Variants in AK8 observed in about 807,000 individuals in gnomAD.
AK8 encodes the protein ATP-AMP transphosphorylase 8.
A neutral mutation model predicts 54.6 loss-of-function variants in AK8; 44 were observed. That is an observed-to-expected ratio of 0.81 (90% CI 0.63 to 1.04). AK8 has a LOEUF of 1.04. Ranked by LOEUF, AK8 falls within the 50% of genes least tolerant of loss-of-function variation. The probability of loss-of-function intolerance (pLI) is 0.00; values close to 1 mark genes in which losing one functional copy is unlikely to be tolerated. For synonymous variants in AK8, 239 were observed against 245.6 expected, an observed-to-expected ratio of 0.97 and a Z score of 0.25; for missense variants, 555 against 613.6, an observed-to-expected ratio of 0.90 and a Z score of 1.01.
rs907687410 is a variant in AK8, at chr9:132,770,538, G to T, written c.1121+22096C>A. ...GCCCCTCGCCCTGCACGCGCGCCCTGCCCCTGGCTGTAACCTGAGCAGCCC... is the reference window on the plus strand; with the variant it reads ...GCCCCTCGCCCTGCACGCGCGCCCTTCCCCTGGCTGTAACCTGAGCAGCCC... On this transcript the variant is annotated intron_variant, in intron 11 of 12. Coordinates refer to ENST00000298545, the MANE Select transcript of AK8 (RefSeq NM_152572.3). The surrounding 1 kb of genome is among the most constrained non-coding windows in gnomAD (Gnocchi z 4.3). Among the ~76,000 whole-genome samples the T allele has an allele frequency of 6.6e-6, 1 of 152,310 alleles. No homozygotes were observed. Among genetic ancestry groups the T allele is most frequent in the Non-Finnish European group, 1.5e-5 (1 of 68,010 alleles).
At chr9:132,737,654 T>A (rs1294492709) in intron 11 of AK8, among the ~76,000 whole-genome samples, 1 of 152,150 alleles carries the variant, frequency 6.6e-6, no homozygotes, top group Admixed American at 6.5e-5. Context: ...TGGAAAAAGA[T>A]CTGACAAAAT....
chr9:132,747,550 C>T (rs545233864), intron 11 of AK8, among the ~76,000 whole-genome samples: 12 of 151,296 alleles, frequency 7.9e-5, no homozygotes, highest in African/African-American at 2.4e-4. Context: ...CAGGTTCAAG[C>T]GATTCTCATG....
At chr9:132,858,293 C>T (rs1485548565) in intron 4 of AK8, among the ~76,000 whole-genome samples, 1 of 152,256 alleles carries the variant, frequency 6.6e-6, no homozygotes, top group Non-Finnish European at 1.5e-5. Flanking sequence ...CAAGGTGCCG[C>T]CCGCTGTTTT....
intron 10 of AK8, among the ~76,000 whole-genome samples, chr9:132,797,935 C>T (rs1257841179): frequency 4.6e-5 from 7 of 152,332 alleles, no homozygotes; most frequent in Middle Eastern, 3.4e-3. Context: ...CCACATCTGC[C>T]TGTGTTAGCA....
chr9:132,730,442 T>G (rs1457599262), intron 11 of AK8, among the ~76,000 whole-genome samples: 2 of 151,126 alleles, frequency 1.3e-5, no homozygotes, highest in African/African-American at 4.9e-5. Context: ...GCCTGTTTTT[T>G]TTTTTTTTTT....
intron 11 of AK8, among the ~76,000 whole-genome samples, chr9:132,746,016 A>C (rs753341004): frequency 9.2e-5 from 14 of 152,296 alleles, no homozygotes; most frequent in Middle Eastern, 3.4e-3. Flanking sequence ...GAGGAGACAA[A>C]GGTGGCTGAC....
At chr9:132,846,449 T>C (rs976096599) in intron 5 of AK8, among the ~76,000 whole-genome samples, 1 of 152,246 alleles carries the variant, frequency 6.6e-6, no homozygotes, top group Non-Finnish European at 1.5e-5. Flanking sequence ...TTAACTCTCT[T>C]GTTCACTGCT....
intron 10 of AK8, among the ~76,000 whole-genome samples, chr9:132,813,532 A>G (rs964740441): frequency 4.6e-5 from 7 of 152,240 alleles, no homozygotes; most frequent in African/African-American, 1.7e-4. Context: ...CGTGTTCACA[A>G]CAGACTTGAT....
At chr9:132,824,582 C>T (rs1481025792) in intron 8 of AK8, among the ~76,000 whole-genome samples, 1 of 152,242 alleles carries the variant, frequency 6.6e-6, no homozygotes, top group Non-Finnish European at 1.5e-5. Context: ...CCTCTACCCA[C>T]TAGGTGCCTG....
intron 11 of AK8, among the ~76,000 whole-genome samples, chr9:132,760,532 C>A (rs538493653): frequency 6.6e-6 from 1 of 152,268 alleles, no homozygotes; most frequent in South Asian, 2.1e-4. Context: ...ATAACACCTG[C>A]CAATAATGAC....
chr9:132,823,357 GATA>G, intron 8 of AK8, 21 bp from the exon 9 acceptor site: 1 of 1,613,294 alleles, frequency 6.2e-7, no homozygotes, highest in Non-Finnish European at 8.5e-7. Flanking sequence ...AGGATATGAG[GATA>G]ATAAACCCAG....
intron 5 of AK8, among the ~76,000 whole-genome samples, chr9:132,839,552 C>T (rs1423589513): frequency 1.3e-5 from 2 of 152,152 alleles, no homozygotes; most frequent in Middle Eastern, 3.2e-3. Flanking sequence ...AGCCAGGATG[C>T]AGATGGGGAC....
chr9:132,746,644 G>A (rs369606740), intron 11 of AK8, among the ~76,000 whole-genome samples: 16 of 152,178 alleles, frequency 1.1e-4, no homozygotes, highest in African/African-American at 3.4e-4. Flanking sequence ...CATGACAGTC[G>A]GGGTTGGCTT....
At position 132,759,874 on chromosome 9, in the gene AK8, G is replaced by A. The variant is rs186078747; in HGVS notation, c.1122-32340C>T. Among the ~76,000 whole-genome samples, 402 of 152,098 alleles carry A rather than the reference G, an allele frequency of 2.6e-3. 1 individual carries two copies. The highest frequency in any genetic ancestry group is 4.8e-3 in the Non-Finnish European group (327 of 68,018). ...AAGTCCTCCCACTTTGTCTTTCTTC[G>A]GGAATAACTTGATAAATTTTTAACT... On this transcript the variant is annotated intron_variant, in intron 11 of 12. Transcript: ENST00000298545.
At position 132,725,829 on chromosome 9, in the gene AK8, C is replaced by A; in HGVS notation, c.1299G>T (p.Met433Ile). Residue 433 changes from methionine (M) to isoleucine (I), a missense_variant, in exon 13 of 13, where the codon ATG becomes ATT. Transcript: ENST00000298545. ...KDAEEQVKLK[M>I]DLFYRNSADL... ...CAGCTGAGTTCCTGTAGAACAGGTCCATTTTCAGCTTGACCTGCTCTTCAG... is the reference window on the plus strand; with the variant it reads ...CAGCTGAGTTCCTGTAGAACAGGTCAATTTTCAGCTTGACCTGCTCTTCAG... 1 of 1,607,884 alleles carries A rather than the reference C, an allele frequency of 6.2e-7. No homozygotes were observed. The highest frequency in any genetic ancestry group is 8.5e-7 in the Non-Finnish European group (1 of 1,177,632).
In AK8 at chr9:132,784,986, A is replaced by G. The variant is rs140790440; in HGVS notation, c.1121+7648T>C. Among the ~76,000 whole-genome samples, 25 of 152,334 alleles carry G rather than the reference A, an allele frequency of 1.6e-4. No individual in the cohort carries two copies. The East Asian group carries it at 4.4e-3, about 27-fold the overall frequency. ...AGCTTAATCAATACTGATTAAAAAC[A>G]ATAATCTGTGTATAATAGACTGGCA... On this transcript the variant is annotated intron_variant, in intron 11 of 12. Coordinates refer to ENST00000298545, the MANE Select transcript of AK8 (RefSeq NM_152572.3).
chr9:132,841,105 A>G (rs76072377), intron 5 of AK8, among the ~76,000 whole-genome samples: 2,707 of 152,302 alleles, frequency 0.018, 91 homozygotes, highest in African/African-American at 0.062. Flanking sequence ...GACAGCTGTT[A>G]CTTCAGAGCA....
chr9:132,829,085 T>G (rs1244451103), intron 5 of AK8, among the ~76,000 whole-genome samples: 1 of 151,924 alleles, frequency 6.6e-6, no homozygotes. Context: ...GCCTCCCAAG[T>G]AGCTGGGATT....
At chr9:132,808,522 C>T (rs1266765964) in intron 10 of AK8, among the ~76,000 whole-genome samples, 2 of 151,980 alleles carry the variant, frequency 1.3e-5, no homozygotes, top group Non-Finnish European at 2.9e-5. Context: ...GCTGCTGATT[C>T]GAAAGAAGGA....
Sources: allele counts gnomAD v4.1 joint callset (sites outside exome capture counted in the v4.1 genomes callset), GRCh38; gene constraint gnomAD v4.1.1; non-coding constraint Gnocchi (gnomAD v3.1); transcripts MANE v1.5; gene names NCBI Gene and HGNC (gene_info 2026-07-23, HGNC 2026-07-21).